MANEA: variants seen among roughly 807,000 people sequenced by gnomAD.
MANEA encodes the protein mannosidase endo-alpha.
Under a neutral mutation model 36.8 loss-of-function variants are expected in MANEA, and 25 were observed. The observed-to-expected ratio is 0.68, with a 90% CI of 0.50 to 0.95. The LOEUF (loss-of-function observed/expected upper bound fraction) is 0.95, where lower values mean the gene tolerates loss of function less well. MANEA is among the 40% of genes least tolerant of loss of function. The pLI is 0.00. For synonymous variants in MANEA, 198 were observed against 188.5 expected, an observed-to-expected ratio of 1.05 and a Z score of -0.41; for missense variants, 565 against 558.8, an observed-to-expected ratio of 1.01 and a Z score of -0.11.
At chr6:95,592,340 T>G (rs1377143739) in intron 2 of MANEA, among the ~76,000 whole-genome samples, 2 of 152,234 alleles carry the variant, frequency 1.3e-5, no homozygotes, top group African/African-American at 4.8e-5. Context: ...CATTAGATCC[T>G]TTAAGATATT....
rs577204111 is a variant in MANEA, at chr6:95,579,334, C to G, written c.-39+1696C>G. On this transcript the variant is annotated intron_variant, in intron 1 of 4. Transcript: ENST00000358812. ...GTTGTAGTGAGCCAAGATGGCGCCACTGCACTTCAGCATGGCAACAGAGTG... is the reference window on the plus strand; with the variant it reads ...GTTGTAGTGAGCCAAGATGGCGCCAGTGCACTTCAGCATGGCAACAGAGTG... 2.0e-5 allele frequency among the ~76,000 whole-genome samples: 3 copies of G among 152,284 alleles called. No homozygotes were observed. The South Asian group carries it at 6.2e-4, about 32-fold the overall frequency.
At chr6:95,591,690 C>G (rs6568937) in intron 2 of MANEA, among the ~76,000 whole-genome samples, 90,683 of 151,780 alleles carry the variant, frequency 0.6, 27,492 homozygotes, top group East Asian at 0.87. Context: ...TTGCTAAATT[C>G]TTAGTGATTA....
intron 3 of MANEA, among the ~76,000 whole-genome samples, chr6:95,599,545 C>A (rs759045842): frequency 5.3e-5 from 8 of 152,098 alleles, no homozygotes; most frequent in Non-Finnish European, 1.0e-4. Context: ...TAATGGAGGA[C>A]AATCTGGTTT....
At chr6:95,591,243 T>C (rs1171756404) in intron 2 of MANEA, among the ~76,000 whole-genome samples, 2 of 152,228 alleles carry the variant, frequency 1.3e-5, no homozygotes, top group African/African-American at 4.8e-5. Context: ...TAAAAATTTC[T>C]TTTATCTTGT....
Position 95,606,211 on chromosome 6 carries a change from A to G in MANEA, c.1195A>G (p.Ile399Val), listed in dbSNP as rs1240951775. Residue 399 changes from isoleucine (I) to valine (V), a missense_variant, in exon 5 of 5, where the codon ATC becomes GTC. Transcript: ENST00000358812. ...TCAGACACGCCCCAGCTTAATTTCT[A>G]TCACCTCTTTTAATGAGTGGCATGA... ...ALQTRPSLIS[I>V]TSFNEWHEGT... is the part of the protein sequence containing the mutation. 9 of 1,613,924 alleles carry G rather than the reference A, an allele frequency of 5.6e-6. No homozygotes were observed. Among genetic ancestry groups the G allele is most frequent in the Non-Finnish European group, 7.6e-6 (9 of 1,179,992 alleles).
chr6:95,587,839 AT>A (rs1769316156), intron 2 of MANEA, among the ~76,000 whole-genome samples: 1 of 151,418 alleles, frequency 6.6e-6, no homozygotes, highest in South Asian at 2.1e-4. Flanking sequence ...TTTATTTTCC[AT>A]TTGTCCCACA....
At chr6:95,602,150 T>C (rs1159368073) in intron 3 of MANEA, among the ~76,000 whole-genome samples, 1 of 152,328 alleles carries the variant, frequency 6.6e-6, no homozygotes, top group East Asian at 1.9e-4. Context: ...TTAACTGTTG[T>C]TTGTTTTTGC....
chr6:95,604,871 CAT>C lies in MANEA; in HGVS notation c.700_701del (p.Met234ValfsTer35). 6.7e-7 allele frequency: 1 copy of C among 1,484,664 alleles called. No individual in the cohort carries two copies. Among genetic ancestry groups the C allele is most frequent in the Non-Finnish European group, 9.1e-7 (1 of 1,097,914 alleles). 92.0% of individuals were successfully genotyped at this position (1,484,664 alleles called of 1,614,324 possible). A position where few individuals can be genotyped will look rare whatever the true frequency, so the allele number is the denominator to read the frequency against. ...EPYSNRDDQN[M>X]YKNVKYIIDK... ...CATATAGCAATCGAGATGATCAAAACATGTACAAAAATGTCAAGTATATTATA... is the reference window on the plus strand; with the variant it reads ...CATATAGCAATCGAGATGATCAAAACGTACAAAAATGTCAAGTATATTATA... On this transcript the variant is annotated frameshift_variant, in exon 4 of 5. Transcript: ENST00000358812. LOFTEE classifies it high-confidence loss of function.
rs781385453 is a variant in MANEA, at chr6:95,605,811, T to C, written c.795T>C (p.Phe265=). The change falls in exon 5 of 5, where the codon TTT becomes TTC. Residue 265 remains phenylalanine, a synonymous_variant. Transcript: ENST00000358812. The part of the protein sequence containing the change: ...KTKTGNALPM[F]YVYDSYITKP... ...AGACTGGCAATGCTCTTCCTATGTTTTATGTCTATGATTCCTATATTACCA... is the reference window on the plus strand; with the variant it reads ...AGACTGGCAATGCTCTTCCTATGTTCTATGTCTATGATTCCTATATTACCA... 1 of 1,613,810 alleles carries C rather than the reference T, an allele frequency of 6.2e-7. No individual in the cohort carries two copies. Among genetic ancestry groups the C allele is most frequent in the East Asian group, 2.2e-5 (1 of 44,860 alleles).
At chr6:95,588,398 T>G (rs9400886) in intron 2 of MANEA, 64,633 of 151,826 alleles carry the variant, frequency 0.43, 14,155 homozygotes, top group Middle Eastern at 0.59. Context: ...CTAACTTTTT[T>G]CAAGTATTTA....
intron 1 of MANEA, among the ~76,000 whole-genome samples, chr6:95,585,155 C>T (rs963449089): frequency 6.6e-6 from 1 of 151,554 alleles, no homozygotes; most frequent in African/African-American, 2.4e-5. Flanking sequence ...TATATATACA[C>T]ACACAACAAT....
At chr6:95,587,779 A>G (rs1769315459) in intron 2 of MANEA, among the ~76,000 whole-genome samples, 1 of 151,742 alleles carries the variant, frequency 6.6e-6, no homozygotes, top group African/African-American at 2.4e-5. Context: ...TGTTTATTTC[A>G]TTTATGTTTA....
intron 1 of MANEA, among the ~76,000 whole-genome samples, chr6:95,585,027 GCAGT>G (rs1208624998): frequency 2.6e-5 from 4 of 152,030 alleles, no homozygotes; most frequent in African/African-American, 9.7e-5. Flanking sequence ...ATTTTATAAA[GCAGT>G]CAATGTCAGC....
intron 3 of MANEA, among the ~76,000 whole-genome samples, chr6:95,597,418 G>C (rs1414309119): frequency 6.6e-6 from 1 of 151,892 alleles, no homozygotes; most frequent in Non-Finnish European, 1.5e-5. Flanking sequence ...ACAAATAGGA[G>C]TGATGATTAA....
chr6:95,604,785 A>G lies in MANEA; in HGVS notation c.655-42A>G, dbSNP rs766033026. The G allele has an allele frequency of 1.8e-4, 139 of 777,290 alleles. No individual in the cohort carries two copies. The Middle Eastern group carries it at 3.9e-3, about 22-fold the overall frequency. The allele number at this position is 777,290 out of a possible 1,614,324, so 48.1% of individuals were successfully genotyped here. ...TTAAGTATACTTCTAATTTTACATTATAGATAATTTATCCCCTAACTGATT... is the reference window on the plus strand; with the variant it reads ...TTAAGTATACTTCTAATTTTACATTGTAGATAATTTATCCCCTAACTGATT... On this transcript the variant is annotated intron_variant, in intron 3 of 4. Transcript: ENST00000358812.
rs776967771 is a variant in MANEA at position 95,586,969 on chromosome 6, G to T, written c.530G>T (p.Arg177Leu). The change falls in exon 2 of 5, where the codon CGC becomes CTC. Residue 177 changes from arginine (R) to leucine (L), a missense_variant. Coordinates refer to ENST00000358812, the MANE Select transcript of MANEA (RefSeq NM_024641.4). ...ATAGAAACTCACATGAGACAAATGC[G>T]CTCAGCTTCAATTGGTAATTATTGT... Reference protein sequence around the residue: ...SVIETHMRQMRSASIGVLALS... With the variant: ...SVIETHMRQMLSASIGVLALS... The T allele has an allele frequency of 1.9e-6, 3 of 1,596,606 alleles. No individual in the cohort carries two copies. Among genetic ancestry groups the T allele is most frequent in the Admixed American group, 3.3e-5 (2 of 59,778 alleles).
At chr6:95,580,059 C>T (rs1769150353) in intron 1 of MANEA, among the ~76,000 whole-genome samples, 2 of 152,140 alleles carry the variant, frequency 1.3e-5, no homozygotes, top group African/African-American at 4.8e-5. Flanking sequence ...TCTCAAGGGT[C>T]ATTGTGGTTT....
chr6:95,586,688 G>C lies in MANEA; in HGVS notation c.249G>C (p.Met83Ile). 6.2e-7 allele frequency: 1 copy of C among 1,613,986 alleles called. No homozygotes were observed. Residue 83 changes from methionine (M) to isoleucine (I), a missense_variant, in exon 2 of 5, where the codon ATG becomes ATC. Physicochemically the swap from Met to Ile is conservative, Grantham distance 10 (BLOSUM62 1). Transcript: ENST00000358812. ...TKNLKSVEIT[M>I]KPSKASELNL... ...ATTTAAAAAGTGTTGAAATCACTAT[G>C]AAACCTTCCAAAGCCTCTGAACTTA... is the stretch of plus-strand genomic sequence containing the variant.
intron 2 of MANEA, among the ~76,000 whole-genome samples, chr6:95,596,451 T>C (rs1263639454): frequency 2.0e-5 from 3 of 151,968 alleles, no homozygotes; most frequent in Non-Finnish European, 4.4e-5. Flanking sequence ...GGAGGAAGAG[T>C]ATATGAGAAC....
Sources: gnomAD v4.1 joint callset for allele counts (sites outside exome capture counted in the v4.1 genomes callset) on GRCh38, gnomAD v4.1.1 for gene constraint, MANE v1.5 for transcripts, NCBI Gene and HGNC (gene_info 2026-07-23, HGNC 2026-07-21) for gene names.